CCDC83: variants seen among roughly 807,000 people sequenced by gnomAD.
The protein encoded by CCDC83 is coiled-coil domain-containing protein 83.
CCDC83 carries 54 observed loss-of-function variants against 50.1 expected under a neutral mutation model. The ratio of observed to expected loss-of-function variants is 1.08; its 90% CI spans 0.87 to 1.35. The LOEUF (loss-of-function observed/expected upper bound fraction) is 1.35, where lower values mean the gene tolerates loss of function less well. CCDC83 is among the 40% of genes most tolerant of loss of function. The probability of loss-of-function intolerance (pLI) is 0.00; values close to 1 mark genes in which losing one functional copy is unlikely to be tolerated. For synonymous variants in CCDC83, 161 were observed against 153.3 expected, an observed-to-expected ratio of 1.05 and a Z score of -0.37; for missense variants, 518 against 473.9, an observed-to-expected ratio of 1.09 and a Z score of -0.86.
At position 85,886,343 on chromosome 11, in the gene CCDC83, A is replaced by G; in HGVS notation, c.487A>G (p.Lys163Glu). 1 of 1,597,916 alleles carries G rather than the reference A, an allele frequency of 6.3e-7. No individual in the cohort carries two copies. Among genetic ancestry groups the G allele is most frequent in the Non-Finnish European group, 8.5e-7 (1 of 1,174,762 alleles). Reference sequence around the variant, plus strand: ...CTTACAAAATGACATCAACACAGTTAAAGAGAATGCAGAGAAAATGTCAGG... The same window carrying G: ...CTTACAAAATGACATCAACACAGTTGAAGAGAATGCAGAGAAAATGTCAGG... ...TSLQNDINTV[K>E]ENAEKMSEHY... The change falls in exon 5 of 11, where the codon AAA (lysine) becomes GAA (glutamate). Residue 163 changes from lysine (K) to glutamate (E), a missense_variant. Coordinates refer to ENST00000342404, the MANE Select transcript of CCDC83 (RefSeq NM_001286159.2).
intron 2 of CCDC83, among the ~76,000 whole-genome samples, chr11:85,872,486 AAAC>A (rs141997473): frequency 8.6e-5 from 13 of 151,808 alleles, no homozygotes; most frequent in Non-Finnish European, 1.6e-4. Context: ...TTCCATCTCA[AAAC>A]AACAACAACA....
chr11:85,855,691 C>T (rs1292865449), intron 1 of CCDC83, 107 bp downstream of exon 1: 2 of 152,274 alleles, frequency 1.3e-5, no homozygotes, highest in African/African-American at 4.8e-5. Flanking sequence ...TGACAGTTTT[C>T]CCAAAGCGTT....
At chr11:85,878,328 C>T (rs2135019647) in intron 3 of CCDC83, among the ~76,000 whole-genome samples, 1 of 152,328 alleles carries the variant, frequency 6.6e-6, no homozygotes, top group East Asian at 1.9e-4. Context: ...TAAAGCCACT[C>T]ACTCCCCTCC....
intron 2 of CCDC83, among the ~76,000 whole-genome samples, chr11:85,869,468 T>G (rs959177921): frequency 3.3e-5 from 5 of 152,162 alleles, no homozygotes; most frequent in African/African-American, 1.2e-4. Context: ...AAAAATATAG[T>G]TTTTTTGGAA....
intron 1 of CCDC83, among the ~76,000 whole-genome samples, chr11:85,861,411 G>C (rs1343469289): frequency 1.3e-5 from 2 of 152,134 alleles, no homozygotes; most frequent in Non-Finnish European, 2.9e-5. Flanking sequence ...TTTCTAGCTA[G>C]TTAATGGCTG....
intron 7 of CCDC83, among the ~76,000 whole-genome samples, chr11:85,902,223 C>T (rs1003488850): frequency 6.6e-6 from 1 of 152,014 alleles, no homozygotes; most frequent in Non-Finnish European, 1.5e-5. Context: ...CCCAAACTGA[C>T]ATTTGATTTT....
At chr11:85,861,882 G>C (rs745433785) in intron 1 of CCDC83, among the ~76,000 whole-genome samples, 3 of 151,274 alleles carry the variant, frequency 2.0e-5, no homozygotes, top group African/African-American at 7.3e-5. Flanking sequence ...GGTAGCATGC[G>C]CCTGTAATCC....
At chr11:85,860,954 G>A (rs182952250) in intron 1 of CCDC83, among the ~76,000 whole-genome samples, 22 of 151,864 alleles carry the variant, frequency 1.4e-4, no homozygotes, top group Non-Finnish European at 1.5e-4. Context: ...ACACAAAGAT[G>A]GGAAAAATAG....
chr11:85,899,987 G>T (rs1230800226), intron 7 of CCDC83, among the ~76,000 whole-genome samples: 7 of 152,188 alleles, frequency 4.6e-5, no homozygotes, highest in Admixed American at 2.0e-4. Context: ...TAGCAGGTGA[G>T]ATTTCAGAAA....
At position 85,867,937 on chromosome 11, in the gene CCDC83, C is replaced by T. The variant is rs559056384; in HGVS notation, c.95+2719C>T. On this transcript the variant is annotated intron_variant, in intron 2 of 10. Transcript: ENST00000342404. ...CTCTACTGATGACAGTTTATGCATT[C>T]CATGTGTTCCTCGGTGACAGAACTG... 2.0e-5 allele frequency among the ~76,000 whole-genome samples: 3 copies of T among 152,300 alleles called. No individual in the cohort carries two copies. The East Asian group carries it at 5.8e-4, about 29-fold the overall frequency.
intron 4 of CCDC83, 97 bp from the exon 5 acceptor site, chr11:85,886,103 G>A: frequency 1.2e-6 from 1 of 861,318 alleles, no homozygotes; most frequent in Non-Finnish European, 1.6e-6. Flanking sequence ...TGAGTTAACA[G>A]TATTTTAATA....
chr11:85,863,504 TG>T lies in CCDC83; in HGVS notation c.-28-1590del, dbSNP rs1308308700. On this transcript the variant is annotated intron_variant, in intron 1 of 10. Transcript: ENST00000342404. ...TGTGCTTTTCAGTTGGAAAGTATTG[TG>T]GTATATTTGCATTCATGTATATGCT... Among the ~76,000 whole-genome samples the T allele has an allele frequency of 3.3e-5, 5 of 152,354 alleles. No individual in the cohort carries two copies. The East Asian group carries it at 9.6e-4, about 29-fold the overall frequency.
At chr11:85,869,411 G>T (rs1230367501) in intron 2 of CCDC83, among the ~76,000 whole-genome samples, 1 of 152,142 alleles carries the variant, frequency 6.6e-6, no homozygotes, top group Non-Finnish European at 1.5e-5. Flanking sequence ...TATGGATAGA[G>T]ATATAAAAAC....
chr11:85,856,722 TTGA>T (rs1287773150), intron 1 of CCDC83, among the ~76,000 whole-genome samples: 1 of 152,246 alleles, frequency 6.6e-6, no homozygotes, highest in Non-Finnish European at 1.5e-5. Flanking sequence ...TTTAAATACC[TTGA>T]TTTTAATATA....
intron 4 of CCDC83, 138 bp downstream of exon 4, chr11:85,882,813 C>G: frequency 1.3e-6 from 1 of 747,592 alleles, no homozygotes; most frequent in African/African-American, 1.8e-5. Context: ...CAGCCACAAA[C>G]ACATGTAGGT....
At chr11:85,886,847 G>C (rs2093329432) in intron 5 of CCDC83, among the ~76,000 whole-genome samples, 2 of 152,312 alleles carry the variant, frequency 1.3e-5, no homozygotes, top group Admixed American at 1.3e-4. Context: ...CCGTGGTCAA[G>C]GCTGCAGGGA....
At chr11:85,906,950 A>G (rs2093428740) in intron 7 of CCDC83, among the ~76,000 whole-genome samples, 1 of 152,158 alleles carries the variant, frequency 6.6e-6, no homozygotes, top group African/African-American at 2.4e-5. Flanking sequence ...TGGAAATGTA[A>G]TAGATTTAAT....
At chr11:85,908,602 GAT>G (rs2093436968) in intron 7 of CCDC83, among the ~76,000 whole-genome samples, 4 of 134,394 alleles carry the variant, frequency 3.0e-5, no homozygotes, top group Admixed American at 7.6e-5. Context: ...TAGATAGATA[GAT>G]AGATAGACAG....
Position 85,873,283 on chromosome 11 carries a change from A to G in CCDC83, c.168A>G (p.Lys56=). The G allele has an allele frequency of 6.9e-7, 1 of 1,459,040 alleles. No individual in the cohort carries two copies. The highest frequency in any genetic ancestry group is 1.3e-5 in the South Asian group (1 of 78,852). 90.4% of individuals were successfully genotyped at this position (1,459,040 alleles called of 1,614,324 possible). Residue 56 remains lysine (K), a synonymous_variant, in exon 3 of 11, where the codon AAA becomes AAG. Coordinates refer to ENST00000342404, the MANE Select transcript of CCDC83 (RefSeq NM_001286159.2). ...QIKTLRKKNQ[K]YHERNSRLKE... is the part of the protein sequence containing the mutation. The stretch of plus-strand genomic sequence containing the variant: ...AGACACTTAGGAAAAAGAACCAAAA[A>G]TATCATGAAAGAGTGAGTATAAAAT...
Sources: gnomAD v4.1 joint callset for allele counts (sites outside exome capture counted in the v4.1 genomes callset) on GRCh38, gnomAD v4.1.1 for gene constraint, MANE v1.5 for transcripts, NCBI Gene and HGNC (gene_info 2026-07-23, HGNC 2026-07-21) for gene names.